Variants in GTF2H5 observed in about 807,000 individuals in gnomAD.
The protein encoded by GTF2H5 is TFB5 ortholog.
GTF2H5 carries 5 observed loss-of-function variants against 7.1 expected under a neutral mutation model. The observed-to-expected ratio is 0.71, with a 90% CI of 0.37 to 1.49. GTF2H5 has a LOEUF of 1.49. Among genes scored for constraint, GTF2H5 ranks in the 40% most tolerant of loss-of-function variants. The pLI is 0.03. For synonymous variants in GTF2H5, 30 were observed against 31.7 expected, an observed-to-expected ratio of 0.95 and a Z score of 0.18; for missense variants, 80 against 83.0, an observed-to-expected ratio of 0.96 and a Z score of 0.14.
chr6:158,169,372 T>C lies in GTF2H5; in HGVS notation c.-35+977T>C, dbSNP rs575392766. Among the ~76,000 whole-genome samples, 854 of 100,396 alleles carry C rather than the reference T, an allele frequency of 8.5e-3. 8 individuals are homozygous for C. Among genetic ancestry groups the C allele is most frequent in the Admixed American group, 0.013 (84 of 6,496 alleles). 65.9% of individuals were successfully genotyped at this position (100,396 alleles called of 152,430 possible). A position where few individuals can be genotyped will look rare whatever the true frequency, so the allele number is the denominator to read the frequency against. ...TTATATATAATACATATATATAATA[T>C]GTATATTATATATTATATATAATAT... On this transcript the variant is annotated intron_variant, in intron 1 of 2. Transcript: ENST00000607778.
chr6:158,180,308 A>C (rs1436560334), intron 2 of GTF2H5, among the ~76,000 whole-genome samples: 1 of 152,228 alleles, frequency 6.6e-6, no homozygotes, highest in African/African-American at 2.4e-5. Flanking sequence ...ATAGATGTTC[A>C]TCAGGGATAT....
intron 2 of GTF2H5, among the ~76,000 whole-genome samples, chr6:158,182,774 G>A (rs780719860): frequency 2.6e-5 from 4 of 151,850 alleles, no homozygotes; most frequent in Non-Finnish European, 4.4e-5. Flanking sequence ...TTAACCATTC[G>A]TCTAAACTTT....
At chr6:158,176,252 G>A (rs185479210) in intron 2 of GTF2H5, among the ~76,000 whole-genome samples, 7 of 150,896 alleles carry the variant, frequency 4.6e-5, no homozygotes, top group Admixed American at 2.0e-4. Flanking sequence ...TTTTTGAAAC[G>A]GAGTCTCACT....
rs1454144618 is a variant in GTF2H5, at chr6:158,199,283, A to G, written c.*7126A>G. The G allele has an allele frequency of 6.6e-6, 1 of 152,198 alleles. No homozygotes were observed. Among genetic ancestry groups the G allele is most frequent in the Non-Finnish European group, 1.5e-5 (1 of 68,044 alleles). The allele number at this position is 152,198 out of a possible 1,614,324, so 9.4% of individuals were successfully genotyped here. ...CCCAATCCCCACCTATACCCAATAT[A>G]TCCATGGGACAAGCATGTACATGCA... On this transcript the variant is annotated 3_prime_UTR_variant, in exon 3 of 3. Transcript: ENST00000607778.
chr6:158,170,382 A>G lies in GTF2H5; in HGVS notation c.-34-88A>G, dbSNP rs1042788117. On this transcript the variant is annotated intron_variant, in intron 1 of 2. Transcript: ENST00000607778. ...CTTAACTGTTAAATATTGACATTTA[A>G]TTATTTTGCCTCGTTTCAGAGGCAG... is the stretch of plus-strand genomic sequence containing the variant. 3.0e-5 allele frequency: 22 copies of G among 740,308 alleles called. 1 individual carries two copies. The Admixed American group carries it at 4.4e-4, about 15-fold the overall frequency. 45.9% of individuals were successfully genotyped at this position (740,308 alleles called of 1,614,324 possible).
At chr6:158,182,494 C>T (rs1786024184) in intron 2 of GTF2H5, among the ~76,000 whole-genome samples, 1 of 152,116 alleles carries the variant, frequency 6.6e-6, no homozygotes, top group Non-Finnish European at 1.5e-5. Flanking sequence ...CCATTCTCCT[C>T]GTCACTTTCA....
At chr6:158,169,541 A>G (rs1291251605) in intron 1 of GTF2H5, among the ~76,000 whole-genome samples, 3 of 90,496 alleles carry the variant, frequency 3.3e-5, no homozygotes, top group African/African-American at 4.7e-5. Flanking sequence ...TATATTATAT[A>G]TAATATACTG....
intron 2 of GTF2H5, among the ~76,000 whole-genome samples, chr6:158,187,640 T>C (rs1449303020): frequency 1.3e-5 from 2 of 152,058 alleles, no homozygotes; most frequent in Non-Finnish European, 2.9e-5. Flanking sequence ...CGATCTTGGC[T>C]CACTGCAAGC....
chr6:158,169,678 A>G (rs1421677573), intron 1 of GTF2H5, among the ~76,000 whole-genome samples: 6 of 48,856 alleles, frequency 1.2e-4, no homozygotes, highest in South Asian at 5.1e-4. Flanking sequence ...TATATTATAT[A>G]ATATATAATA....
intron 2 of GTF2H5, among the ~76,000 whole-genome samples, chr6:158,186,824 T>C (rs1162059905): frequency 1.3e-5 from 2 of 152,204 alleles, no homozygotes; most frequent in African/African-American, 2.4e-5. Flanking sequence ...GATTTTCTTA[T>C]TGGCAGTTGA....
intron 1 of GTF2H5, among the ~76,000 whole-genome samples, chr6:158,168,823 C>T (rs1227095536): frequency 6.6e-6 from 1 of 152,196 alleles, no homozygotes; most frequent in African/African-American, 2.4e-5. Flanking sequence ...TGAGGCCGGG[C>T]GCGGTGGCTC....
intron 1 of GTF2H5, among the ~76,000 whole-genome samples, chr6:158,170,066 A>G (rs1785832655): frequency 6.6e-6 from 1 of 151,908 alleles, no homozygotes; most frequent in South Asian, 2.1e-4. Flanking sequence ...GGCTCACTGT[A>G]TAATTTTTGA....
chr6:158,169,726 ATATATTG>A (rs370392447), intron 1 of GTF2H5, among the ~76,000 whole-genome samples: 10 of 58,234 alleles, frequency 1.7e-4, no homozygotes, highest in South Asian at 1.1e-3. Context: ...ATATTATATA[ATATATTG>A]TATATTATAT....
In GTF2H5 at chr6:158,175,010, ATGTGTGTGTGTGTG is replaced by A. The variant is rs200557393; in HGVS notation, c.35+4494_35+4507del. On this transcript the variant is annotated intron_variant, in intron 2 of 2. Coordinates refer to ENST00000607778, the MANE Select transcript of GTF2H5 (RefSeq NM_207118.3). ...CCAGGCACCCAAAACTGTGCCTGAG[ATGTGTGTGTGTGTG>A]TGTGTGTGTGTGTGTGTGTGTATAC... Among the ~76,000 whole-genome samples the A allele has an allele frequency of 5.1e-5, 7 of 138,320 alleles. No individual in the cohort carries two copies. The South Asian group carries it at 1.4e-3, about 28-fold the overall frequency. The allele number at this position is 138,320 out of a possible 152,430, so 90.7% of individuals were successfully genotyped here.
intron 2 of GTF2H5, among the ~76,000 whole-genome samples, chr6:158,185,330 A>T (rs1467535996): frequency 1.3e-5 from 2 of 151,940 alleles, no homozygotes; most frequent in African/African-American, 4.8e-5. Flanking sequence ...GCCCAAGCCC[A>T]GGAGTTCAAG....
chr6:158,169,462 TTA>T lies in GTF2H5; in HGVS notation c.-34-1004_-34-1003del, dbSNP rs1444112061. Among the ~76,000 whole-genome samples, 2 of 69,880 alleles carry T rather than the reference TTA, an allele frequency of 2.9e-5. 1 individual carries two copies. Among genetic ancestry groups the T allele is most frequent in the Non-Finnish European group, 4.4e-5 (2 of 45,306 alleles). The allele number at this position is 69,880 out of a possible 152,430, so 45.8% of individuals were successfully genotyped here. Reference sequence around the variant, plus strand: ...TTATATATATTATATATTATATATATTATATTGTATATTATATATAATATATT... The same window carrying T: ...TTATATATATTATATATTATATATATTATTGTATATTATATATAATATATT... On this transcript the variant is annotated intron_variant, in intron 1 of 2. Transcript: ENST00000607778.
At position 158,192,224 on chromosome 6, in the gene GTF2H5, T is replaced by G. The variant is rs559863826; in HGVS notation, c.*67T>G. The G allele has an allele frequency of 2.3e-4, 278 of 1,206,468 alleles. 2 individuals carry two copies. The Middle Eastern group carries it at 6.8e-3, about 30-fold the overall frequency. The allele number at this position is 1,206,468 out of a possible 1,614,324, so 74.7% of individuals were successfully genotyped here. A position where few individuals can be genotyped will look rare whatever the true frequency, so the allele number is the denominator to read the frequency against. ...TGTGAAAGACTTGCCACTCAATATC[T>G]TAGGTGACTGATTAGACATAGAGGG... On this transcript the variant is annotated 3_prime_UTR_variant, in exon 3 of 3. Coordinates refer to ENST00000607778, the MANE Select transcript of GTF2H5 (RefSeq NM_207118.3).
intron 2 of GTF2H5, among the ~76,000 whole-genome samples, chr6:158,188,759 T>C (rs1776973632): frequency 6.6e-6 from 1 of 152,212 alleles, no homozygotes; most frequent in Non-Finnish European, 1.5e-5. Flanking sequence ...TTCATCCTCC[T>C]GTCACCAGCT....
intron 2 of GTF2H5, among the ~76,000 whole-genome samples, chr6:158,175,501 C>A (rs561308395): frequency 6.6e-6 from 1 of 152,206 alleles, no homozygotes; most frequent in African/African-American, 2.4e-5. Flanking sequence ...CAGTGGCTCA[C>A]GCCTGTAATC....
Sources: allele counts gnomAD v4.1 joint callset (sites outside exome capture counted in the v4.1 genomes callset), GRCh38; gene constraint gnomAD v4.1.1; transcripts MANE v1.5; gene names NCBI Gene and HGNC (gene_info 2026-07-23, HGNC 2026-07-21).